JADE3: variants seen among roughly 807,000 people sequenced by gnomAD.
The protein encoded by JADE3 is protein Jade-3.
Under a neutral mutation model 50.1 loss-of-function variants are expected in JADE3, and 2 were observed. The ratio of observed to expected loss-of-function variants is 0.04; its 90% CI spans 0.02 to 0.13. The LOEUF (loss-of-function observed/expected upper bound fraction) is 0.13, where lower values mean the gene tolerates loss of function less well. JADE3 is among the 10% of genes least tolerant of loss of function. JADE3 has a pLI of 1.00. For missense variants in JADE3, 475 were observed against 634.4 expected, an observed-to-expected ratio of 0.75 and a Z score of 2.70; for synonymous variants, 218 against 232.9, an observed-to-expected ratio of 0.94 and a Z score of 0.58.
At chrX:47,011,914 A>G (rs1400896809) in intron 4 of JADE3, among the ~76,000 whole-genome samples, 2 of 112,247 alleles carry the variant, frequency 1.8e-5, no homozygotes, top group African/African-American at 6.5e-5. Flanking sequence ...TTTGTCTTCT[A>G]TGAAATGCTG....
intron 4 of JADE3, among the ~76,000 whole-genome samples, chrX:47,009,093 C>T (rs1050899283): frequency 2.7e-5 from 3 of 110,225 alleles, no homozygotes; most frequent in Admixed American, 9.7e-5. Flanking sequence ...GAAGCCAAGG[C>T]GGGAGGATTA....
chrX:46,966,634 A>G (rs1484937539), intron 1 of JADE3, among the ~76,000 whole-genome samples: 2 of 112,049 alleles, frequency 1.8e-5, no homozygotes, highest in Non-Finnish European at 3.8e-5. Flanking sequence ...AAGTATGCAC[A>G]TTTTTCCAAG....
intron 1 of JADE3, among the ~76,000 whole-genome samples, chrX:46,965,318 A>T (rs1927344592): frequency 9.0e-6 from 1 of 111,677 alleles, no homozygotes; most frequent in Admixed American, 9.5e-5. Flanking sequence ...GCAGGAGAGC[A>T]GAGAGAGACT....
intron 3 of JADE3, among the ~76,000 whole-genome samples, chrX:46,991,069 CCT>C (rs1330067288): frequency 8.3e-5 from 1 of 12,062 alleles, no homozygotes; most frequent in East Asian, 5.4e-3. Context: ...TCACTCCCTC[CCT>C]CCCCCCCCCC....
chrX:47,031,953 G>A (rs1929028059), intron 6 of JADE3, among the ~76,000 whole-genome samples: 1 of 111,699 alleles, frequency 9.0e-6, no homozygotes. Flanking sequence ...TGGGAGTCAG[G>A]CAGTGGGACA....
chrX:46,938,876 G>A (rs782040227), intron 1 of JADE3, among the ~76,000 whole-genome samples: 16 of 112,332 alleles, frequency 1.4e-4, no homozygotes, highest in East Asian at 1.1e-3. Context: ...TGCCCAGGCC[G>A]GTGTGCAGTA....
At position 46,912,671 on chromosome X, in the gene JADE3, CG is replaced by C. The variant is rs1556335383; in HGVS notation, c.-57del. 1 of 111,255 alleles carries C rather than the reference CG, an allele frequency of 9.0e-6. No individual in the cohort carries two copies. The highest frequency in any genetic ancestry group is 3.2e-5 in the African/African-American group (1 of 30,952). 9.2% of individuals were successfully genotyped at this position (111,255 alleles called of 1,213,427 possible). On this transcript the variant is annotated 5_prime_UTR_variant, in exon 1 of 11. Coordinates refer to ENST00000614628, the MANE Select transcript of JADE3 (RefSeq NM_014735.5). ...CGACCGGACTCACCCGGCACATTGC[CG>C]GGCCGCGGCGTGGAGCCGGGCAGGA...
At chrX:47,032,246 C>G (rs891565074) in intron 6 of JADE3, among the ~76,000 whole-genome samples, 5 of 111,720 alleles carry the variant, frequency 4.5e-5, no homozygotes, top group Non-Finnish European at 7.5e-5. Context: ...AACCGGCAAA[C>G]TTTTTCTTTA....
In JADE3 at chrX:47,030,766, G is replaced by C. The variant is rs782681087; in HGVS notation, c.687+2663G>C. Among the ~76,000 whole-genome samples, 53 of 111,852 alleles carry C rather than the reference G, an allele frequency of 4.7e-4. 1 individual carries two copies. The highest frequency in any genetic ancestry group is 8.5e-4 in the Non-Finnish European group (45 of 53,163). On this transcript the variant is annotated intron_variant, in intron 6 of 10. Transcript: ENST00000614628. ...CATTTTTTCTTTAAAAAATGTGAAA[G>C]TTGGGCCGGGCATGGTGGCTCACGC...
At chrX:47,048,280 G>A (rs1255244199) in intron 8 of JADE3, among the ~76,000 whole-genome samples, 1 of 111,539 alleles carries the variant, frequency 9.0e-6, no homozygotes, top group Non-Finnish European at 1.9e-5. Flanking sequence ...GGGCTTAAAG[G>A]TTACTTCTAA....
intron 4 of JADE3, among the ~76,000 whole-genome samples, chrX:47,007,696 A>G (rs1928460155): frequency 9.0e-6 from 1 of 110,810 alleles, no homozygotes; most frequent in Non-Finnish European, 1.9e-5. Context: ...GACAGCATAT[A>G]TTTGGATCAT....
intron 3 of JADE3, among the ~76,000 whole-genome samples, chrX:46,996,416 A>G (rs1928131834): frequency 8.9e-6 from 1 of 112,317 alleles, no homozygotes. Flanking sequence ...TGTAGTCTTC[A>G]AGTTACTCTT....
intron 3 of JADE3, among the ~76,000 whole-genome samples, chrX:46,996,760 T>G (rs1209075810): frequency 8.9e-6 from 1 of 112,168 alleles, no homozygotes; most frequent in Non-Finnish European, 1.9e-5. Context: ...ACTTGGATAT[T>G]CCAGAATGAT....
rs1556373743 is a variant in JADE3 at position 47,058,153 on chromosome X, C to CT, written c.1562-8dup. On this transcript the variant is annotated splice_polypyrimidine_tract_variant and intron_variant, in intron 10 of 10. Coordinates refer to ENST00000614628, the MANE Select transcript of JADE3 (RefSeq NM_014735.5). ...AAATCGGTTGTTAAAACGAATCTTTCTTTTTTATCTCAGGGCTTCCTTTGA... is the reference window on the plus strand; with the variant it reads ...AAATCGGTTGTTAAAACGAATCTTTCTTTTTTTATCTCAGGGCTTCCTTTGA... 1 of 1,184,875 alleles carries CT rather than the reference C, an allele frequency of 8.4e-7. No individual in the cohort carries two copies. The highest frequency in any genetic ancestry group is 3.0e-5 in the East Asian group (1 of 33,593).
intron 4 of JADE3, among the ~76,000 whole-genome samples, chrX:47,010,899 G>T (rs1353189457): frequency 9.0e-6 from 1 of 111,495 alleles, no homozygotes; most frequent in Non-Finnish European, 1.9e-5. Flanking sequence ...TGTCATCAGG[G>T]TTGACGTCTG....
chrX:46,998,905 G>A (rs1556358158), intron 4 of JADE3, among the ~76,000 whole-genome samples: 1 of 110,016 alleles, frequency 9.1e-6, no homozygotes, highest in African/African-American at 3.3e-5. Context: ...CATCATGCTG[G>A]CCAGGCCGTT....
chrX:46,973,437 G>C (rs1398718610), intron 1 of JADE3, among the ~76,000 whole-genome samples: 2 of 112,367 alleles, frequency 1.8e-5, no homozygotes, highest in African/African-American at 6.5e-5. Flanking sequence ...CCCAACTTCT[G>C]CTATCTCTTT....
intron 1 of JADE3, among the ~76,000 whole-genome samples, chrX:46,956,665 T>C (rs1005173137): frequency 9.3e-6 from 1 of 107,969 alleles, no homozygotes; most frequent in Admixed American, 9.8e-5. Context: ...TAGCTGGTAC[T>C]GCAGGTGTGC....
intron 7 of JADE3, among the ~76,000 whole-genome samples, chrX:47,038,227 G>A: frequency 9.0e-6 from 1 of 111,578 alleles, no homozygotes; most frequent in Non-Finnish European, 1.9e-5. Flanking sequence ...TCCAAATCTT[G>A]ACTATCGTGA....
Sources: gnomAD v4.1 joint callset for allele counts (sites outside exome capture counted in the v4.1 genomes callset) on GRCh38, gnomAD v4.1.1 for gene constraint, MANE v1.5 for transcripts, NCBI Gene and HGNC (gene_info 2026-07-23, HGNC 2026-07-21) for gene names.